The following ULK4 variants were observed in gnomAD, a reference collection of about 807,000 sequenced individuals.
The protein encoded by ULK4 is inactive serine/threonine-protein kinase ULK4.
In ULK4, 133 loss-of-function variants were observed where a neutral mutation model predicts 160.6. The ratio of observed to expected loss-of-function variants is 0.83; its 90% CI spans 0.72 to 0.96. The LOEUF (loss-of-function observed/expected upper bound fraction) is 0.96. Among genes scored for constraint, ULK4 ranks in the 40% least tolerant of loss-of-function variants. The pLI, the probability that ULK4 is intolerant of heterozygous loss-of-function variation, is 0.00. For synonymous variants in ULK4, 534 were observed against 539.8 expected, an observed-to-expected ratio of 0.99 and a Z score of 0.15; for missense variants, 1,580 against 1,499.5, an observed-to-expected ratio of 1.05 and a Z score of -0.89.
intron 21 of ULK4, among the ~76,000 whole-genome samples, chr3:41,771,156 T>G (rs1559540638): frequency 6.6e-6 from 1 of 152,210 alleles, no homozygotes; most frequent in Non-Finnish European, 1.5e-5. Flanking sequence ...CTTGCGTGCC[T>G]AAATCATATT....
chr3:41,803,171 C>CAAAAAA (rs60309572), intron 19 of ULK4, among the ~76,000 whole-genome samples: 21,540 of 134,974 alleles, frequency 0.16, 1,907 homozygotes, highest in Middle Eastern at 0.27. Context: ...GACTCCATCT[C>CAAAAAA]AAAAAAAAAA....
chr3:41,899,172 A>C (rs1264488826), intron 13 of ULK4: 1 of 148,598 alleles, frequency 6.7e-6, no homozygotes, highest in Non-Finnish European at 1.5e-5. Context: ...CACAATTATT[A>C]ATCAAGTATT....
chr3:41,907,690 C>T (rs1698620448), intron 12 of ULK4, among the ~76,000 whole-genome samples, 155 bp downstream of exon 12: 1 of 152,202 alleles, frequency 6.6e-6, no homozygotes, highest in Non-Finnish European at 1.5e-5. Flanking sequence ...TGGGATATCT[C>T]TCTCAGAGTA....
intron 17 of ULK4, among the ~76,000 whole-genome samples, chr3:41,861,816 C>T (rs79476342): frequency 2.3e-3 from 343 of 151,932 alleles, no homozygotes; most frequent in African/African-American, 8.0e-3. Flanking sequence ...ATCTTGTAGG[C>T]GTGCTTCTTG....
chr3:41,471,751 C>A lies in ULK4; in HGVS notation c.3227-8498G>T, dbSNP rs148732542. Among the ~76,000 whole-genome samples the A allele has an allele frequency of 7.9e-5, 12 of 151,546 alleles. No homozygotes were observed. The East Asian group carries it at 2.3e-3, about 29-fold the overall frequency. On this transcript the variant is annotated intron_variant, in intron 32 of 36. Transcript: ENST00000301831. ...ACATGAAAAACAACATGTTCCTGAA[C>A]AACCAATGAGTTAATAAAGAAATTA...
chr3:41,769,769 G>C (rs9882719), intron 21 of ULK4, among the ~76,000 whole-genome samples: 26,180 of 152,090 alleles, frequency 0.17, 5,784 homozygotes, highest in African/African-American at 0.51. Flanking sequence ...TATTCCTCTA[G>C]TACACATCAT....
rs1559509375 is a variant in ULK4, at chr3:41,295,190, ATGGAG to A, written c.3679-45621_3679-45617del. ...TTTGATGAAGAGCAAAGGCAAAACA[ATGGAG>A]CAAACATAGTTTTTTCAAGAAATAG... On this transcript the variant is annotated intron_variant, in intron 35 of 36. Transcript: ENST00000301831. 2.9e-4 allele frequency among the ~76,000 whole-genome samples: 40 copies of A among 136,816 alleles called. 13 individuals are homozygous for A. The highest frequency in any genetic ancestry group is 4.2e-4 in the Non-Finnish European group (25 of 60,186). 89.8% of individuals were successfully genotyped at this position (136,816 alleles called of 152,430 possible).
chr3:41,408,376 C>T (rs1451528413), intron 34 of ULK4, among the ~76,000 whole-genome samples: 1 of 137,370 alleles, frequency 7.3e-6, no homozygotes, highest in Non-Finnish European at 1.5e-5. Context: ...TGCAATGAGC[C>T]GAGATCGCAC....
chr3:41,617,578 T>G (rs1267012345), intron 30 of ULK4, among the ~76,000 whole-genome samples: 10 of 151,912 alleles, frequency 6.6e-5, no homozygotes, highest in Non-Finnish European at 1.2e-4. Context: ...AACATCAACA[T>G]CAACATAAAA....
At chr3:41,752,479 C>T (rs1448328847) in intron 22 of ULK4, among the ~76,000 whole-genome samples, 2 of 152,060 alleles carry the variant, frequency 1.3e-5, no homozygotes, top group Admixed American at 1.3e-4. Flanking sequence ...CAAGGAAAAC[C>T]AGTGATCCCT....
At chr3:41,802,921 C>A (rs1412049745) in intron 19 of ULK4, among the ~76,000 whole-genome samples, 1 of 152,166 alleles carries the variant, frequency 6.6e-6, no homozygotes, top group African/African-American at 2.4e-5. Context: ...AATCCCAGCA[C>A]TTTGGGAGGC....
chr3:41,628,843 G>C (rs945898440), intron 30 of ULK4, among the ~76,000 whole-genome samples: 1 of 152,152 alleles, frequency 6.6e-6, no homozygotes, highest in African/African-American at 2.4e-5. Context: ...GTACTACTTT[G>C]ACTCTGTAAG....
At chr3:41,779,985 T>TTAAAAAA (rs1265057103) in intron 21 of ULK4, among the ~76,000 whole-genome samples, 6 of 59,372 alleles carry the variant, frequency 1.0e-4, no homozygotes, top group African/African-American at 2.8e-4. Context: ...TAGAGTATAA[T>TTAAAAAA]AAAAAAAAAA....
intron 27 of ULK4, among the ~76,000 whole-genome samples, chr3:41,692,415 G>A (rs1180520003): frequency 6.7e-6 from 1 of 150,020 alleles, no homozygotes; most frequent in Non-Finnish European, 1.5e-5. Flanking sequence ...TAGACAATGA[G>A]TACCTTTTTG....
chr3:41,502,845 C>T (rs2085256835), intron 32 of ULK4, among the ~76,000 whole-genome samples: 1 of 152,090 alleles, frequency 6.6e-6, no homozygotes, highest in African/African-American at 2.4e-5. Context: ...AAAAATGTTT[C>T]ATATCTTGAT....
At chr3:41,829,859 C>A (rs563381015) in intron 18 of ULK4, among the ~76,000 whole-genome samples, 1 of 147,054 alleles carries the variant, frequency 6.8e-6, no homozygotes, top group African/African-American at 2.6e-5. Flanking sequence ...ATGTTTATTG[C>A]GGCATTATTC....
intron 21 of ULK4, 63 bp from the exon 22 acceptor site, chr3:41,754,551 C>T: frequency 6.6e-7 from 1 of 1,525,120 alleles, no homozygotes; most frequent in Non-Finnish European, 8.9e-7. Context: ...TCTCAATTCT[C>T]AGAGTGAACA....
chr3:41,288,422 G>A (rs1027252119), intron 35 of ULK4, among the ~76,000 whole-genome samples: 5 of 151,964 alleles, frequency 3.3e-5, no homozygotes, highest in Non-Finnish European at 7.4e-5. Context: ...GTCTGCTGGT[G>A]CCTTCTGGGA....
At chr3:41,932,121 C>T in intron 4 of ULK4, 115 bp from the exon 5 acceptor site, 1 of 857,362 alleles carries the variant, frequency 1.2e-6, no homozygotes, top group Non-Finnish European at 1.7e-6. Context: ...TTTATCAGAA[C>T]TCAGAAAAAT....
Sources: gnomAD v4.1 joint callset for allele counts (sites outside exome capture counted in the v4.1 genomes callset) on GRCh38, gnomAD v4.1.1 for gene constraint, MANE v1.5 for transcripts, NCBI Gene and HGNC (gene_info 2026-07-23, HGNC 2026-07-21) for gene names.